The following GPC6 variants were observed in gnomAD, a reference collection of about 807,000 sequenced individuals.
GPC6 encodes the protein glypican-6.
GPC6 carries 14 observed loss-of-function variants against 55.2 expected under a neutral mutation model. That is an observed-to-expected ratio of 0.25 (90% CI 0.17 to 0.40). The LOEUF (loss-of-function observed/expected upper bound fraction) is 0.40. Among genes scored for constraint, GPC6 ranks in the 10% least tolerant of loss-of-function variants. The pLI is 1.00. For synonymous variants in GPC6, 278 were observed against 259.6 expected (o/e 1.07, Z -0.68); for missense variants, 641 against 708.5 (o/e 0.90, Z 1.08).
chr13:93,800,670 G>T (rs767071514), intron 2 of GPC6, among the ~76,000 whole-genome samples: 1 of 152,166 alleles, frequency 6.6e-6, no homozygotes, highest in African/African-American at 2.4e-5. Flanking sequence ...TGAGAATGTG[G>T]CCTATAAAAC....
At chr13:93,628,963 A>G (rs1344939896) in intron 2 of GPC6, among the ~76,000 whole-genome samples, 2 of 151,476 alleles carry the variant, frequency 1.3e-5, no homozygotes, top group Admixed American at 6.6e-5. Flanking sequence ...CAATTTTGAA[A>G]TGTTTTCCCT....
chr13:93,741,346 A>G (rs917138351), intron 2 of GPC6, among the ~76,000 whole-genome samples: 11 of 151,810 alleles, frequency 7.2e-5, no homozygotes, highest in Non-Finnish European at 1.6e-4. Flanking sequence ...CGATCTCCTG[A>G]CCTCGTGATC....
intron 2 of GPC6, among the ~76,000 whole-genome samples, chr13:93,641,842 CAT>C (rs1566464266): frequency 1.3e-5 from 2 of 152,044 alleles, no homozygotes; most frequent in Admixed American, 6.6e-5. Context: ...GACACAAACT[CAT>C]GTGATATATA....
At chr13:93,578,265 G>A (rs537117084) in intron 2 of GPC6, among the ~76,000 whole-genome samples, 1 of 152,122 alleles carries the variant, frequency 6.6e-6, no homozygotes, top group South Asian at 2.1e-4. Flanking sequence ...TTTAAAAAGA[G>A]TTTCAGTAGA....
intron 3 of GPC6, among the ~76,000 whole-genome samples, chr13:93,834,133 T>C (rs1308027641): frequency 6.6e-6 from 1 of 152,314 alleles, no homozygotes; most frequent in East Asian, 1.9e-4. Context: ...AAAACTTCAA[T>C]TTCATCCGGA....
At chr13:93,492,454 A>T (rs1056119379) in intron 1 of GPC6, among the ~76,000 whole-genome samples, 1 of 150,864 alleles carries the variant, frequency 6.6e-6, no homozygotes, top group Non-Finnish European at 1.5e-5. Context: ...ATAAACAATC[A>T]TGTCGTCTGC....
Position 93,891,757 on chromosome 13 carries a change from A to G in GPC6, c.711+61212A>G, listed in dbSNP as rs373360321. Among the ~76,000 whole-genome samples, 59 of 152,182 alleles carry G rather than the reference A, an allele frequency of 3.9e-4. 2 individuals are homozygous for G. The East Asian group carries it at 4.7e-3, about 12-fold the overall frequency. Reference sequence around the variant, plus strand: ...TGTATGTATACATACACATGTATATATAAATGGTCAATGAACAAAGTGTGT... The same window carrying G: ...TGTATGTATACATACACATGTATATGTAAATGGTCAATGAACAAAGTGTGT... On this transcript the variant is annotated intron_variant, in intron 3 of 8. Transcript: ENST00000377047.
At chr13:94,309,499 C>T (rs940331372) in intron 6 of GPC6, among the ~76,000 whole-genome samples, 1 of 152,038 alleles carries the variant, frequency 6.6e-6, no homozygotes, top group South Asian at 2.1e-4. Context: ...TACACCAGTT[C>T]CATCATTTAA....
intron 4 of GPC6, among the ~76,000 whole-genome samples, chr13:94,257,375 G>A (rs1891537796): frequency 6.6e-6 from 1 of 152,192 alleles, no homozygotes; most frequent in Non-Finnish European, 1.5e-5. Context: ...GCAGGAGTGG[G>A]TAGATCAGAT....
intron 4 of GPC6, among the ~76,000 whole-genome samples, chr13:94,284,100 C>A (rs1268589798): frequency 6.6e-6 from 1 of 152,174 alleles, no homozygotes; most frequent in African/African-American, 2.4e-5. Context: ...TGACTGATGA[C>A]AGGCTTGCCC....
chr13:94,060,429 A>C (rs992244513), intron 4 of GPC6, among the ~76,000 whole-genome samples: 1 of 152,218 alleles, frequency 6.6e-6, no homozygotes, highest in Non-Finnish European at 1.5e-5. Context: ...CAGGAAATAC[A>C]CGCTCAATTG....
intron 1 of GPC6, among the ~76,000 whole-genome samples, chr13:93,364,378 C>T (rs1042963774): frequency 2.0e-5 from 3 of 152,024 alleles, no homozygotes; most frequent in Non-Finnish European, 4.4e-5. Flanking sequence ...GTAAGAAAAT[C>T]ACAATGATGC....
At chr13:94,086,372 G>C (rs1885281926) in intron 4 of GPC6, among the ~76,000 whole-genome samples, 1 of 152,070 alleles carries the variant, frequency 6.6e-6, no homozygotes, top group Non-Finnish European at 1.5e-5. Flanking sequence ...GATCGGATGA[G>C]TGGAATGAAA....
At chr13:94,015,547 T>G (rs1468135931) in intron 3 of GPC6, among the ~76,000 whole-genome samples, 1 of 152,208 alleles carries the variant, frequency 6.6e-6, no homozygotes. Flanking sequence ...GTCCTATTTA[T>G]TTTTTCTTTT....
intron 1 of GPC6, among the ~76,000 whole-genome samples, chr13:93,491,786 C>G (rs1880017454): frequency 7.7e-6 from 1 of 129,494 alleles, no homozygotes; most frequent in African/African-American, 2.9e-5. Flanking sequence ...GAATCCTTTC[C>G]CCATTGCTTA....
chr13:93,680,233 A>G (rs1881798526), intron 2 of GPC6, among the ~76,000 whole-genome samples: 3 of 152,132 alleles, frequency 2.0e-5, no homozygotes, highest in Admixed American at 2.0e-4. Flanking sequence ...TGGAAGGAAG[A>G]CAGTGTGAAC....
At chr13:93,636,527 C>T (rs561682731) in intron 2 of GPC6, among the ~76,000 whole-genome samples, 3 of 152,282 alleles carry the variant, frequency 2.0e-5, no homozygotes, top group African/African-American at 7.2e-5. Flanking sequence ...ACTGCGTTGA[C>T]ATTGGACTTG....
chr13:93,840,053 T>C (rs947201121), intron 3 of GPC6, among the ~76,000 whole-genome samples: 1 of 152,180 alleles, frequency 6.6e-6, no homozygotes, highest in African/African-American at 2.4e-5. Flanking sequence ...TGCCAATTCT[T>C]CTTTGATATC....
At chr13:93,676,123 AAAAATATATATATAT>A (rs1389166980) in intron 2 of GPC6, among the ~76,000 whole-genome samples, 76 of 13,394 alleles carry the variant, frequency 5.7e-3, no homozygotes, top group Non-Finnish European at 7.9e-3. Context: ...AAAAAAAAAA[AAAAATATATATATAT>A]ATATATATAT....
Sources: allele counts gnomAD v4.1 joint callset (sites outside exome capture counted in the v4.1 genomes callset), GRCh38; gene constraint gnomAD v4.1.1; transcripts MANE v1.5; gene names NCBI Gene and HGNC (gene_info 2026-07-23, HGNC 2026-07-21).